CABIN1: variants seen among roughly 807,000 people sequenced by gnomAD.
The protein encoded by CABIN1 is calcineurin-binding protein cabin-1.
In CABIN1, 133 loss-of-function variants were observed where a neutral mutation model predicts 227.7. The observed-to-expected ratio is 0.58, with a 90% CI of 0.51 to 0.67. The LOEUF (loss-of-function observed/expected upper bound fraction) is 0.67. Among genes scored for constraint, CABIN1 ranks in the 30% least tolerant of loss-of-function variants. CABIN1 has a pLI of 0.00. For missense variants in CABIN1, 2,408 were observed against 2,852.5 expected, an observed-to-expected ratio of 0.84 and a Z score of 3.55; for synonymous variants, 1,086 against 1,155.1, an observed-to-expected ratio of 0.94 and a Z score of 1.21.
In CABIN1 at chr22:24,098,052, C is replaced by T; in HGVS notation, c.3977C>T (p.Ser1326Leu). 1 of 1,614,224 alleles carries T rather than the reference C, an allele frequency of 6.2e-7. No individual in the cohort carries two copies. Among genetic ancestry groups the T allele is most frequent in the East Asian group, 2.2e-5 (1 of 44,884 alleles). Reference protein sequence around the residue: ...ACLVDEDSHSSAGTLPGPGAS... With the variant: ...ACLVDEDSHSLAGTLPGPGAS... ...CTGGTGGACGAGGACTCCCACTCTT[C>T]AGCTGGGACACTGCCGGGCCCCGGA... Residue 1326 changes from serine to leucine, a missense_variant, in exon 26 of 37, where the codon TCA (serine) becomes TTA (leucine). Around this residue, in one of 3 missense-constraint regions of CABIN1, gnomAD observed 649 missense variants for 910.3 expected, o/e 0.71. Coordinates refer to ENST00000263119, the MANE Select transcript of CABIN1 (RefSeq NM_012295.4).
At position 24,104,690 on chromosome 22, in the gene CABIN1, C is replaced by A. The variant is rs192252105; in HGVS notation, c.4117+6498C>A. ...AGTCTTCTCAGCCTGACAATGGGCA[C>A]CCCGATTTCCCGGGCCAGCCTTGCT... On this transcript the variant is annotated intron_variant, in intron 26 of 36. Transcript: ENST00000263119. 2.6e-5 allele frequency among the ~76,000 whole-genome samples: 4 copies of A among 152,316 alleles called. 1 individual carries two copies. The East Asian group carries it at 5.8e-4, about 22-fold the overall frequency.
At chr22:24,060,939 T>C (rs755483555) in intron 12 of CABIN1, among the ~76,000 whole-genome samples, 3 of 151,830 alleles carry the variant, frequency 2.0e-5, no homozygotes, top group African/African-American at 7.3e-5. Context: ...GAGATGGGGG[T>C]CTCCTTTTGT....
At chr22:24,100,316 T>C (rs1369301697) in intron 26 of CABIN1, among the ~76,000 whole-genome samples, 1 of 152,212 alleles carries the variant, frequency 6.6e-6, no homozygotes, top group Non-Finnish European at 1.5e-5. Flanking sequence ...GAAAGCAGTG[T>C]CTGCAACATG....
intron 1 of CABIN1, among the ~76,000 whole-genome samples, chr22:24,019,307 T>G (rs1395497972): frequency 1.3e-5 from 2 of 151,630 alleles, no homozygotes; most frequent in South Asian, 2.1e-4. Flanking sequence ...ATTTTTTGTA[T>G]TTTTGGTAGA....
chr22:24,105,753 C>G (rs983027672), intron 26 of CABIN1, among the ~76,000 whole-genome samples: 1 of 152,194 alleles, frequency 6.6e-6, no homozygotes. Context: ...GCCCAGAACC[C>G]CCTCCTCACC....
intron 29 of CABIN1, among the ~76,000 whole-genome samples, chr22:24,163,154 AG>A (rs1441485242): frequency 1.3e-5 from 2 of 152,188 alleles, no homozygotes; most frequent in Non-Finnish European, 2.9e-5. Flanking sequence ...AGGAAGTAGA[AG>A]GTGGCTGCTG....
intron 29 of CABIN1, among the ~76,000 whole-genome samples, chr22:24,136,579 T>C (rs1467215495): frequency 6.9e-6 from 1 of 145,600 alleles, no homozygotes; most frequent in Admixed American, 6.9e-5. Context: ...TTGGCCAGGA[T>C]GGTCTCGAAC....
rs1286519544 is a variant in CABIN1 at position 24,063,028 on chromosome 22, G to C, written c.1766G>C (p.Cys589Ser). The C allele has an allele frequency of 2.5e-6, 4 of 1,614,130 alleles. No individual in the cohort carries two copies. Among genetic ancestry groups the C allele is most frequent in the South Asian group, 1.1e-5 (1 of 91,084 alleles). ...GGACCTGACTTCCCAGGGACCCACTGCCTGGGTGACCTCCTACAGCTGTCA... is the reference window on the plus strand; with the variant it reads ...GGACCTGACTTCCCAGGGACCCACTCCCTGGGTGACCTCCTACAGCTGTCA... ...RFGPDFPGTH[C>S]LGDLLQLSFA... The change falls in exon 14 of 37, where the codon TGC becomes TCC. Residue 589 changes from cysteine (C) to serine (S), a missense_variant. Coordinates refer to ENST00000263119, the MANE Select transcript of CABIN1 (RefSeq NM_012295.4).
chr22:24,158,484 G>C (rs2045966603), intron 29 of CABIN1, among the ~76,000 whole-genome samples: 1 of 152,204 alleles, frequency 6.6e-6, no homozygotes, highest in African/African-American at 2.4e-5. Context: ...CATTTTGAAT[G>C]ATGTTTTTGG....
intron 6 of CABIN1, among the ~76,000 whole-genome samples, chr22:24,047,029 G>A (rs999758186): frequency 6.6e-6 from 1 of 152,116 alleles, no homozygotes; most frequent in African/African-American, 2.4e-5. Flanking sequence ...TAGGGAGGGC[G>A]ATCTGCTTTA....
chr22:24,112,842 T>G (rs143706695), intron 26 of CABIN1, among the ~76,000 whole-genome samples: 1 of 152,320 alleles, frequency 6.6e-6, no homozygotes, highest in African/African-American at 2.4e-5. Flanking sequence ...CCCACCTCCA[T>G]GCCTGAAGGC....
chr22:24,053,088 T>C (rs1313506226), intron 8 of CABIN1, among the ~76,000 whole-genome samples: 7 of 147,780 alleles, frequency 4.7e-5, no homozygotes, highest in Non-Finnish European at 6.0e-5. Context: ...CTTTTTTTTT[T>C]TTTTTTTGAG....
In CABIN1 at chr22:24,072,506, G is replaced by C; in HGVS notation, c.2628G>C (p.Glu876Asp). ...CHQQQLQNPAEEGMSETPMLP... is the reference protein window; with the variant it reads ...CHQQQLQNPADEGMSETPMLP... ...AGCAGCAGCTCCAAAACCCAGCGGA[G>C]GAAGGTGCACAGGCAGTGGGTGCAG... The change falls in exon 18 of 37, where the codon GAG (glutamate) becomes GAC (aspartate). Residue 876 changes from glutamate (E) to aspartate (D), a missense_variant. Glu to Asp is a conservative substitution (Grantham distance 45). Around this residue, in one of 3 missense-constraint regions of CABIN1, gnomAD observed 1,045 missense variants for 1,168.4 expected, o/e 0.89. Coordinates refer to ENST00000263119, the MANE Select transcript of CABIN1 (RefSeq NM_012295.4). 1 of 1,614,156 alleles carries C rather than the reference G, an allele frequency of 6.2e-7. No individual in the cohort carries two copies. Among genetic ancestry groups the C allele is most frequent in the Non-Finnish European group, 8.5e-7 (1 of 1,180,020 alleles).
chr22:24,057,849 AG>A (rs758772783), intron 10 of CABIN1, among the ~76,000 whole-genome samples: 1 of 152,226 alleles, frequency 6.6e-6, no homozygotes, highest in Non-Finnish European at 1.5e-5. Flanking sequence ...TCTCTTTGGA[AG>A]AACTGCAGGA....
rs771970682 is a variant in CABIN1, at chr22:24,059,932, G to GA, written c.1409dup (p.Asp470GlufsTer4). On this transcript the variant is annotated frameshift_variant, in exon 12 of 37. Transcript: ENST00000263119. LOFTEE classifies it high-confidence loss of function. ...TCTTGCTCCCCGGGCAGAAAAGCAG[G>GA]ACGTGCATGAGTTCCTGCTGGAGAA... is the stretch of plus-strand genomic sequence containing the variant. The GA allele has an allele frequency of 1.2e-6, 2 of 1,614,166 alleles. No individual in the cohort carries two copies. Among genetic ancestry groups the GA allele is most frequent in the Non-Finnish European group, 1.7e-6 (2 of 1,180,016 alleles).
intron 1 of CABIN1, among the ~76,000 whole-genome samples, chr22:24,024,197 G>T (rs1165007543): frequency 6.7e-6 from 1 of 149,150 alleles, no homozygotes; most frequent in Non-Finnish European, 1.5e-5. Flanking sequence ...TTGCATAAAA[G>T]TTTTTTTTTT....
chr22:24,076,391 C>G, intron 19 of CABIN1, 107 bp downstream of exon 19: 1 of 872,618 alleles, frequency 1.1e-6, no homozygotes, highest in Non-Finnish European at 1.9e-6. Flanking sequence ...GCTTGCTTGG[C>G]CTTCCCTCAG....
At chr22:24,020,147 A>G (rs1400307648) in intron 1 of CABIN1, among the ~76,000 whole-genome samples, 1 of 152,182 alleles carries the variant, frequency 6.6e-6, no homozygotes, top group Admixed American at 6.5e-5. Context: ...ACTAAGGTGT[A>G]TTTATATATT....
At chr22:24,082,085 C>CTTTT (rs71184946) in intron 19 of CABIN1, among the ~76,000 whole-genome samples, 9 of 121,178 alleles carry the variant, frequency 7.4e-5, no homozygotes, top group East Asian at 2.4e-4. Flanking sequence ...TATTCTCTCT[C>CTTTT]TTTTTTTTTT....
Sources: allele counts gnomAD v4.1 joint callset (sites outside exome capture counted in the v4.1 genomes callset), GRCh38; gene constraint gnomAD v4.1.1; regional missense constraint gnomAD v4.1.1; transcripts MANE v1.5; gene names NCBI Gene and HGNC (gene_info 2026-07-23, HGNC 2026-07-21).